Variants in NUP58 observed in about 807,000 individuals in gnomAD.
The protein encoded by NUP58 is nucleoporin 58, also known as nucleoporin p58/p45.
A neutral mutation model predicts 70.1 loss-of-function variants in NUP58; 17 were observed. The ratio of observed to expected loss-of-function variants is 0.24; its 90% CI spans 0.17 to 0.36. NUP58 has a LOEUF of 0.36. Among genes scored for constraint, NUP58 ranks in the 10% least tolerant of loss-of-function variants. NUP58 has a pLI of 1.00. For missense variants in NUP58, 644 were observed against 701.5 expected (o/e 0.92, Z 0.93); for synonymous variants, 275 against 257.6 (o/e 1.07, Z -0.65).
chr13:25,342,283 T>C lies in NUP58; in HGVS notation c.*2149T>C, dbSNP rs959721213. On this transcript the variant is annotated 3_prime_UTR_variant, in exon 16 of 16. Coordinates refer to ENST00000381736, the MANE Select transcript of NUP58 (RefSeq NM_014089.4). ...TTTCTTTATATGTTTTGCATTTTAA[T>C]ATGTTGAGCCACTGGAAATTTGTAA... is the stretch of plus-strand genomic sequence containing the variant. 1 of 152,636 alleles carries C rather than the reference T, an allele frequency of 6.6e-6. No homozygotes were observed. The highest frequency in any genetic ancestry group is 1.5e-5 in the Non-Finnish European group (1 of 68,004). 9.5% of individuals were successfully genotyped at this position (152,636 alleles called of 1,614,324 possible). A position where few individuals can be genotyped will look rare whatever the true frequency, so the allele number is the denominator to read the frequency against.
rs775552611 is a variant in NUP58, at chr13:25,340,182, A to T, written c.*48A>T. On this transcript the variant is annotated 3_prime_UTR_variant, in exon 16 of 16. Transcript: ENST00000381736. ...AATCCATAGCAGCACCGTTCATTCT[A>T]TGAGTCTATTTTTCTAATGATGCAG... 2.8e-6 allele frequency: 4 copies of T among 1,443,802 alleles called. No homozygotes were observed. The highest frequency in any genetic ancestry group is 3.7e-6 in the Non-Finnish European group (4 of 1,089,382). 89.4% of individuals were successfully genotyped at this position (1,443,802 alleles called of 1,614,324 possible). A position where few individuals can be genotyped will look rare whatever the true frequency, so the allele number is the denominator to read the frequency against.
chr13:25,345,460 A>G (rs191489580), downstream of NUP58, among the ~76,000 whole-genome samples: 137 of 152,138 alleles, frequency 9.0e-4, no homozygotes, highest in African/African-American at 2.5e-3. Flanking sequence ...TCTGTGGTGT[A>G]AAGAGCGTTA....
chr13:25,323,856 C>T (rs1211843557), intron 9 of NUP58, among the ~76,000 whole-genome samples: 1 of 152,078 alleles, frequency 6.6e-6, no homozygotes, highest in Non-Finnish European at 1.5e-5. Context: ...CTTCAGCAGG[C>T]ATTAGGGATC....
chr13:25,328,493 T>G (rs2031488050), intron 12 of NUP58, among the ~76,000 whole-genome samples: 1 of 150,828 alleles, frequency 6.6e-6, no homozygotes, highest in East Asian at 2.0e-4. Flanking sequence ...CCTCCTGGGT[T>G]CAAGTGATTC....
chr13:25,341,012 C>T lies in NUP58; in HGVS notation c.*878C>T, dbSNP rs1593204490. 3 of 152,274 alleles carry T rather than the reference C, an allele frequency of 2.0e-5. No individual in the cohort carries two copies. The highest frequency in any genetic ancestry group is 4.1e-4 in the South Asian group (2 of 4,820). 9.4% of individuals were successfully genotyped at this position (152,274 alleles called of 1,614,324 possible). ...TTTCTAAGGGTATTCAAGTTTTCAC[C>T]TTTTAAGCTTCATATCCTCAGTGCT... On this transcript the variant is annotated 3_prime_UTR_variant, in exon 16 of 16. Transcript: ENST00000381736.
downstream of NUP58, among the ~76,000 whole-genome samples, chr13:25,346,961 CA>C (rs1313022525): frequency 6.6e-6 from 1 of 152,090 alleles, no homozygotes; most frequent in Non-Finnish European, 1.5e-5. Flanking sequence ...TCCCTTATCT[CA>C]AATGCTTGGG....
chr13:25,312,492 C>T (rs1024818073), intron 3 of NUP58, among the ~76,000 whole-genome samples: 2 of 152,142 alleles, frequency 1.3e-5, no homozygotes, highest in African/African-American at 2.4e-5. Flanking sequence ...CTCAGCCTCC[C>T]GAGTAGCTGG....
intron 12 of NUP58, among the ~76,000 whole-genome samples, chr13:25,328,259 T>C (rs952574891): frequency 6.6e-6 from 1 of 152,154 alleles, no homozygotes; most frequent in Non-Finnish European, 1.5e-5. Context: ...TAATTTTATC[T>C]GTTTTAAGTG....
intron 13 of NUP58, chr13:25,333,124 TTG>T (rs566429989): frequency 2.8e-4 from 268 of 972,238 alleles, no homozygotes; most frequent in African/African-American, 4.7e-4. Context: ...TGTCAAGGGT[TTG>T]TGTGTGTGTG....
In NUP58 at chr13:25,313,053, G is replaced by T. The variant is rs752950650; in HGVS notation, c.436+21G>T. On this transcript the variant is annotated intron_variant, in intron 4 of 15. Transcript: ENST00000381736. ...AGCAGGTGAGGCAGAATGAAAAACCGTTGCATTTAATGGTTAAATTTCAAT... is the reference window on the plus strand; with the variant it reads ...AGCAGGTGAGGCAGAATGAAAAACCTTTGCATTTAATGGTTAAATTTCAAT... 16 of 1,606,426 alleles carry T rather than the reference G, an allele frequency of 1.0e-5. 1 individual carries two copies. The South Asian group carries it at 1.8e-4, about 18-fold the overall frequency.
At chr13:25,317,276 GCCA>G (rs2030975913) in intron 6 of NUP58, among the ~76,000 whole-genome samples, 1 of 143,954 alleles carries the variant, frequency 6.9e-6, no homozygotes, top group Admixed American at 6.7e-5. Context: ...GTCCTTATTT[GCCA>G]TGTTGAGTTT....
At chr13:25,346,292 AGTT>A, downstream of NUP58, among the ~76,000 whole-genome samples, 1 of 152,348 alleles carries the variant, frequency 6.6e-6, no homozygotes, top group Non-Finnish European at 1.5e-5. Context: ...AAACAGGCAC[AGTT>A]GTTAAATAAT....
At chr13:25,307,211 ATTTTTTTTTTTTT>A (rs72132780) in intron 1 of NUP58, among the ~76,000 whole-genome samples, 1 of 98,606 alleles carries the variant, frequency 1.0e-5, no homozygotes, top group Admixed American at 1.5e-4. Flanking sequence ...CTGGTATTGT[ATTTTTTTTTTTTT>A]TTTTTTTTGA....
At chr13:25,312,792 TA>T (rs1473451567) in intron 3 of NUP58, 90 bp from the exon 4 acceptor site, 14 of 1,290,194 alleles carry the variant, frequency 1.1e-5, no homozygotes, top group Non-Finnish European at 1.4e-5. Context: ...CATGAACTTT[TA>T]AGGATCCTTA....
intron 15 of NUP58, among the ~76,000 whole-genome samples, chr13:25,339,203 CTCT>C (rs1431676167): frequency 1.4e-4 from 22 of 152,234 alleles, no homozygotes; most frequent in East Asian, 5.8e-4. Context: ...AATTTTTTGA[CTCT>C]TCTTATGAAA....
At position 25,303,755 on chromosome 13, in the gene NUP58, T is replaced by C. The variant is rs373966541; in HGVS notation, c.107+1875T>C. 5.3e-5 allele frequency among the ~76,000 whole-genome samples: 8 copies of C among 152,352 alleles called. No individual in the cohort carries two copies. In the East Asian group the frequency reaches 1.5e-3, roughly 29 times the overall value. On this transcript the variant is annotated intron_variant, in intron 1 of 15. Coordinates refer to ENST00000381736, the MANE Select transcript of NUP58 (RefSeq NM_014089.4). ...CTAGAATAATTAATACCTATGTCTC[T>C]CACTGACTAGAAACTGCCTGAGGGC...
intron 3 of NUP58, among the ~76,000 whole-genome samples, chr13:25,311,674 T>C (rs1322760609): frequency 9.6e-5 from 4 of 41,706 alleles, no homozygotes; most frequent in South Asian, 1.1e-3. Flanking sequence ...GGCACCTGTC[T>C]TTTTTTTTTT....
intron 6 of NUP58, among the ~76,000 whole-genome samples, chr13:25,318,523 G>A (rs997815476): frequency 2.0e-5 from 3 of 152,018 alleles, no homozygotes; most frequent in African/African-American, 7.2e-5. Context: ...ATGTAAATGA[G>A]ACAAATAATA....
chr13:25,333,001 A>G lies in NUP58; in HGVS notation c.1435+1443A>G, dbSNP rs977195137. ...AGATTTGGTTAAGTGTTCTTTAAAC[A>G]TAGTGAATTTCCATTCTATTAAATA... is the stretch of plus-strand genomic sequence containing the variant. On this transcript the variant is annotated intron_variant, in intron 13 of 15. Transcript: ENST00000381736. The G allele has an allele frequency of 5.1e-6, 5 of 984,778 alleles. No individual in the cohort carries two copies. In the African/African-American group the frequency reaches 5.2e-5, roughly 10 times the overall value. 61.0% of individuals were successfully genotyped at this position (984,778 alleles called of 1,614,324 possible). A position where few individuals can be genotyped will look rare whatever the true frequency, so the allele number is the denominator to read the frequency against.
Sources: allele counts gnomAD v4.1 joint callset (sites outside exome capture counted in the v4.1 genomes callset), GRCh38; gene constraint gnomAD v4.1.1; transcripts MANE v1.5; gene names NCBI Gene and HGNC (gene_info 2026-07-23, HGNC 2026-07-21).